The following LARGE1 variants were observed in gnomAD, a reference collection of about 807,000 sequenced individuals.
The protein encoded by LARGE1 is xylosyl- and glucuronyltransferase LARGE1.
In LARGE1, 43 loss-of-function variants were observed where a neutral mutation model predicts 87.6. That is an observed-to-expected ratio of 0.49 (90% confidence interval 0.38 to 0.63). The LOEUF (loss-of-function observed/expected upper bound fraction) is 0.63, where lower values mean the gene tolerates loss of function less well. LARGE1 is among the 30% of genes least tolerant of loss of function. LARGE1 has a pLI of 0.00. For synonymous variants in LARGE1, 434 were observed against 394.6 expected (o/e 1.10, Z -1.18); for missense variants, 802 against 1,000.2 (o/e 0.80, Z 2.67).
At chr22:33,198,925 T>C (rs1924228556) in intron 11 of LARGE1, among the ~76,000 whole-genome samples, 2 of 152,258 alleles carry the variant, frequency 1.3e-5, no homozygotes, top group Non-Finnish European at 2.9e-5. Flanking sequence ...TTCCATGCTG[T>C]TTTCCATAAA....
chr22:33,448,407 GTTAA>G (rs1373413760), intron 6 of LARGE1, among the ~76,000 whole-genome samples: 1 of 152,116 alleles, frequency 6.6e-6, no homozygotes, highest in African/African-American at 2.4e-5. Flanking sequence ...AATTTTATTT[GTTAA>G]TTAAACAATA....
At chr22:33,320,930 A>G (rs1012466119) in intron 10 of LARGE1, 2 of 152,236 alleles carry the variant, frequency 1.3e-5, no homozygotes, top group Non-Finnish European at 2.9e-5. Flanking sequence ...CCCCTCCACC[A>G]CCATGCTGCT....
At chr22:33,372,627 T>A (rs756728397) in intron 9 of LARGE1, among the ~76,000 whole-genome samples, 5 of 152,154 alleles carry the variant, frequency 3.3e-5, no homozygotes, top group Non-Finnish European at 7.3e-5. Context: ...GCTCCCATGA[T>A]TCAATTATTT....
intron 7 of LARGE1, among the ~76,000 whole-genome samples, chr22:33,416,750 C>G (rs1033088539): frequency 2.6e-5 from 4 of 151,504 alleles, no homozygotes; most frequent in Non-Finnish European, 4.4e-5. Flanking sequence ...ATTACAGGCA[C>G]CCGCCACCAG....
At chr22:33,591,415 G>T (rs62227098) in intron 5 of LARGE1, among the ~76,000 whole-genome samples, 1 of 152,098 alleles carries the variant, frequency 6.6e-6, no homozygotes, top group Admixed American at 6.5e-5. Flanking sequence ...TGTCATTATT[G>T]ATTTGCATTT....
At chr22:33,369,935 T>TAAAAA (rs76332142) in intron 9 of LARGE1, among the ~76,000 whole-genome samples, 1 of 143,046 alleles carries the variant, frequency 7.0e-6, no homozygotes. Context: ...TAGCCAAGAT[T>TAAAAA]AAAAAAAAAA....
chr22:33,099,128 A>C, the LARGE1 span, among the ~76,000 whole-genome samples: 1 of 152,192 alleles, frequency 6.6e-6, no homozygotes, highest in Admixed American at 6.5e-5. Flanking sequence ...GGTCCCAGCC[A>C]GAGAGCCTAG....
At chr22:33,247,815 A>G (rs955698306) in intron 11 of LARGE1, among the ~76,000 whole-genome samples, 1 of 152,236 alleles carries the variant, frequency 6.6e-6, no homozygotes, top group African/African-American at 2.4e-5. Context: ...AGCTAGACAT[A>G]GATAACCTGA....
chr22:33,787,862 T>A (rs560083615), intron 1 of LARGE1, among the ~76,000 whole-genome samples: 100 of 152,344 alleles, frequency 6.6e-4, no homozygotes, highest in African/African-American at 2.3e-3. Flanking sequence ...ATGGTTTAGT[T>A]CCTGTGGTTC....
chr22:33,296,389 T>C, intron 12 of LARGE1, among the ~76,000 whole-genome samples: 1 of 152,172 alleles, frequency 6.6e-6, no homozygotes, highest in East Asian at 1.9e-4. Context: ...GGTGCAAAGA[T>C]TAAAATAGTT....
chr22:33,718,163 C>T (rs918947383), intron 2 of LARGE1, among the ~76,000 whole-genome samples: 13 of 152,174 alleles, frequency 8.5e-5, no homozygotes, highest in Non-Finnish European at 1.5e-5. Context: ...CCTGAGGTTC[C>T]CTTATTAGCA....
intron 9 of LARGE1, among the ~76,000 whole-genome samples, chr22:33,375,786 C>G (rs977333088): frequency 1.4e-4 from 21 of 151,952 alleles, no homozygotes; most frequent in Admixed American, 7.2e-4. Flanking sequence ...TTCTCTCTGT[C>G]ACTCAGGCTG....
chr22:33,183,838 G>A (rs1923324097), intron 11 of LARGE1, among the ~76,000 whole-genome samples: 1 of 151,998 alleles, frequency 6.6e-6, no homozygotes, highest in South Asian at 2.1e-4. Context: ...AACGGTGGTT[G>A]TCAGAGGCTG....
At chr22:33,499,751 T>C (rs1466726169) in intron 6 of LARGE1, among the ~76,000 whole-genome samples, 1 of 152,158 alleles carries the variant, frequency 6.6e-6, no homozygotes, top group Non-Finnish European at 1.5e-5. Flanking sequence ...TAATAGGTAT[T>C]AGATATGTAA....
chr22:33,917,684 T>C (rs1165679893), intron 1 of LARGE1, among the ~76,000 whole-genome samples: 2 of 152,308 alleles, frequency 1.3e-5, no homozygotes, highest in African/African-American at 2.4e-5. Flanking sequence ...CTTAAATACT[T>C]AGAGATTATA....
rs1569445596 is a variant in LARGE1 at position 33,784,992 on chromosome 22, C to CATATATGTGTATACATACATAT, written c.-82-23435_-82-23434insATATGTATGTATACACATATAT. Among the ~76,000 whole-genome samples, 25 of 146,390 alleles carry CATATATGTGTATACATACATAT rather than the reference C, an allele frequency of 1.7e-4. 2 individuals are homozygous for CATATATGTGTATACATACATAT. Among genetic ancestry groups the CATATATGTGTATACATACATAT allele is most frequent in the African/African-American group, 3.0e-4 (12 of 39,630 alleles). Reference sequence around the variant, plus strand: ...ACATGTGTATACATACATATGTGTACGTGTATATACATATATGTGTATACA... The same window carrying CATATATGTGTATACATACATAT: ...ACATGTGTATACATACATATGTGTACATATATGTGTATACATACATATGTGTATATACATATATGTGTATACA... On this transcript the variant is annotated intron_variant, in intron 1 of 14. Coordinates refer to ENST00000397394, the MANE Select transcript of LARGE1 (RefSeq NM_133642.5).
intron 7 of LARGE1, among the ~76,000 whole-genome samples, chr22:33,416,392 C>T (rs553715625): frequency 1.4e-4 from 21 of 152,294 alleles, no homozygotes; most frequent in African/African-American, 3.4e-4. Context: ...CAGTTCTACC[C>T]ACTTTGAAGC....
At chr22:33,306,801 G>C (rs1437225344) in intron 11 of LARGE1, among the ~76,000 whole-genome samples, 1 of 151,818 alleles carries the variant, frequency 6.6e-6, no homozygotes, top group Non-Finnish European at 1.5e-5. Flanking sequence ...TTGAACCCAG[G>C]GGGTGGAGGT....
chr22:33,708,485 G>C (rs1260934832), intron 2 of LARGE1, among the ~76,000 whole-genome samples: 1 of 152,126 alleles, frequency 6.6e-6, no homozygotes, highest in Non-Finnish European at 1.5e-5. Flanking sequence ...CTCATACTAT[G>C]TTGCTAGGGC....
Sources: allele counts gnomAD v4.1 joint callset (sites outside exome capture counted in the v4.1 genomes callset), GRCh38; gene constraint gnomAD v4.1.1; transcripts MANE v1.5; gene names NCBI Gene and HGNC (gene_info 2026-07-23, HGNC 2026-07-21).